The following SUPT3H variants were observed in gnomAD, a reference collection of about 807,000 sequenced individuals.
The protein encoded by SUPT3H is transcription initiation protein SPT3 homolog.
A neutral mutation model predicts 44.3 loss-of-function variants in SUPT3H; 44 were observed. That is an observed-to-expected ratio of 0.99 (90% CI 0.78 to 1.28). The LOEUF is 1.28. Among genes scored for constraint, SUPT3H ranks in the 50% most tolerant of loss-of-function variants. The pLI is 0.00. For missense variants in SUPT3H, 380 were observed against 387.1 expected (o/e 0.98, Z 0.15); for synonymous variants, 124 against 125.6 (o/e 0.99, Z 0.09).
chr6:45,376,429 A>G (rs1796783374), intron 1 of SUPT3H, among the ~76,000 whole-genome samples: 1 of 151,472 alleles, frequency 6.6e-6, no homozygotes, highest in East Asian at 1.9e-4. Context: ...ACGTAAATCA[A>G]TTTATTAATT....
intron 1 of SUPT3H, among the ~76,000 whole-genome samples, chr6:45,367,478 C>T (rs1310614223): frequency 6.6e-6 from 1 of 151,782 alleles, no homozygotes; most frequent in Admixed American, 6.6e-5. Context: ...AATCACAAGT[C>T]CAAGACTGGG....
chr6:45,360,563 G>A (rs1277308924), intron 2 of SUPT3H, among the ~76,000 whole-genome samples: 2 of 151,972 alleles, frequency 1.3e-5, no homozygotes, highest in Admixed American at 6.6e-5. Context: ...AGATGAAGGG[G>A]GCACACATTC....
At chr6:45,053,346 A>T (rs1790604305) in intron 3 of SUPT3H, among the ~76,000 whole-genome samples, 3 of 152,052 alleles carry the variant, frequency 2.0e-5, no homozygotes. Flanking sequence ...GGTGGCAAGT[A>T]ATCAGGAATA....
At chr6:45,288,447 G>A (rs529783188) in intron 2 of SUPT3H, among the ~76,000 whole-genome samples, 2 of 150,896 alleles carry the variant, frequency 1.3e-5, no homozygotes, top group South Asian at 4.2e-4. Flanking sequence ...GAATATAGAT[G>A]GCAAAATTAT....
intron 3 of SUPT3H, among the ~76,000 whole-genome samples, chr6:45,071,100 G>A (rs967804427): frequency 4.7e-4 from 71 of 152,158 alleles, no homozygotes; most frequent in Non-Finnish European, 1.5e-4. Flanking sequence ...AATGTAAAAT[G>A]AAGAAAAATG....
In SUPT3H at chr6:45,326,231, A is replaced by G. The variant is rs1008366883; in HGVS notation, c.101+38970T>C. Among the ~76,000 whole-genome samples, 4 of 151,934 alleles carry G rather than the reference A, an allele frequency of 2.6e-5. No homozygotes were observed. The East Asian group carries it at 7.7e-4, about 29-fold the overall frequency. On this transcript the variant is annotated intron_variant, in intron 2 of 10. Coordinates refer to ENST00000371459, the MANE Select transcript of SUPT3H (RefSeq NM_003599.4). Reference sequence around the variant, plus strand: ...TTCAGTGAATGCTAATGTAGAAACTATAAGCTTATTTGAAAAGAAGAAAAC... The same window carrying G: ...TTCAGTGAATGCTAATGTAGAAACTGTAAGCTTATTTGAAAAGAAGAAAAC...
intron 2 of SUPT3H, among the ~76,000 whole-genome samples, chr6:45,218,544 A>G (rs1765462912): frequency 6.6e-6 from 1 of 152,180 alleles, no homozygotes; most frequent in Admixed American, 6.5e-5. Flanking sequence ...AGCCTGACCA[A>G]CATGGAGAAA....
At chr6:45,107,206 G>A (rs930273313) in intron 2 of SUPT3H, among the ~76,000 whole-genome samples, 3 of 152,102 alleles carry the variant, frequency 2.0e-5, no homozygotes, top group African/African-American at 7.2e-5. Flanking sequence ...CAGCAGTAGG[G>A]AAGACAAAAC....
At chr6:44,833,814 T>C (rs604873) in intron 10 of SUPT3H, among the ~76,000 whole-genome samples, 3,103 of 152,266 alleles carry the variant, frequency 0.02, 41 homozygotes, top group Non-Finnish European at 0.033. Context: ...GCACTGTAGA[T>C]ACACATATTC....
intron 2 of SUPT3H, among the ~76,000 whole-genome samples, chr6:45,238,139 A>T (rs1769555644): frequency 6.6e-6 from 1 of 152,166 alleles, no homozygotes; most frequent in Admixed American, 6.5e-5. Flanking sequence ...CTCGTAAAAA[A>T]ATTTTTAGTG....
chr6:45,020,514 G>T, intron 4 of SUPT3H, 32 bp downstream of exon 4: 1 of 1,537,092 alleles, frequency 6.5e-7, no homozygotes, highest in Non-Finnish European at 8.9e-7. Flanking sequence ...ACAAAACGTG[G>T]ATTTTAATAC....
intron 10 of SUPT3H, among the ~76,000 whole-genome samples, chr6:44,868,561 CTG>C (rs3837041): frequency 0.33 from 50,864 of 151,844 alleles, 9,431 homozygotes; most frequent in Admixed American, 0.41. Flanking sequence ...GCTATGGACT[CTG>C]TTCAGCTGCT....
Position 45,086,840 on chromosome 6 carries a change from AATTTAAT to A in SUPT3H, c.186+19075_186+19081del, listed in dbSNP as rs535668870. Among the ~76,000 whole-genome samples, 19 of 152,048 alleles carry A rather than the reference AATTTAAT, an allele frequency of 1.2e-4. No homozygotes were observed. The South Asian group carries it at 2.9e-3, about 23-fold the overall frequency. On this transcript the variant is annotated intron_variant, in intron 3 of 10. Coordinates refer to ENST00000371459, the MANE Select transcript of SUPT3H (RefSeq NM_003599.4). ...TATTTCCATAATTATTAATAAATAA[AATTTAAT>A]ATTTAAGATATCAGTAATAGTGAAC...
At chr6:45,020,299 G>A (rs1023421755) in intron 4 of SUPT3H, among the ~76,000 whole-genome samples, 1 of 151,934 alleles carries the variant, frequency 6.6e-6, no homozygotes, top group African/African-American at 2.4e-5. Context: ...GAAAGTGTCT[G>A]CATAGACGCA....
At chr6:44,905,750 G>T (rs1256245118) in intron 10 of SUPT3H, among the ~76,000 whole-genome samples, 1 of 152,162 alleles carries the variant, frequency 6.6e-6, no homozygotes, top group Non-Finnish European at 1.5e-5. Context: ...ATTCACAATA[G>T]CAAAGACTTG....
At chr6:45,174,393 T>C (rs1031168028) in intron 2 of SUPT3H, among the ~76,000 whole-genome samples, 6 of 152,230 alleles carry the variant, frequency 3.9e-5, no homozygotes, top group African/African-American at 1.2e-4. Flanking sequence ...TCCTCTCTTA[T>C]GACACAAGGG....
At chr6:45,044,169 C>T (rs2153531841) in intron 3 of SUPT3H, among the ~76,000 whole-genome samples, 1 of 152,256 alleles carries the variant, frequency 6.6e-6, no homozygotes, top group African/African-American at 2.4e-5. Context: ...AGTGTCCATT[C>T]ATTGATTTCT....
intron 3 of SUPT3H, among the ~76,000 whole-genome samples, chr6:45,096,670 GGTA>G (rs1797829833): frequency 6.6e-6 from 1 of 152,020 alleles, no homozygotes; most frequent in African/African-American, 2.4e-5. Flanking sequence ...CCAGTCTTAT[GGTA>G]GTATTCCCCA....
intron 6 of SUPT3H, 122 bp from the exon 7 acceptor site, chr6:44,961,950 C>G (rs1776093026): frequency 1.6e-6 from 1 of 632,714 alleles, no homozygotes; most frequent in Non-Finnish European, 2.7e-6. Context: ...CAGGGTAGTA[C>G]TACCACATAG....
Sources: allele counts gnomAD v4.1 joint callset (sites outside exome capture counted in the v4.1 genomes callset), GRCh38; gene constraint gnomAD v4.1.1; transcripts MANE v1.5; gene names NCBI Gene and HGNC (gene_info 2026-07-23, HGNC 2026-07-21).